KANK1: variants seen among roughly 807,000 people sequenced by gnomAD.
KANK1 encodes KN motif and ankyrin repeat domains 1.
A neutral mutation model predicts 106.2 loss-of-function variants in KANK1; 109 were observed. The observed-to-expected ratio is 1.03, with a 90% CI of 0.88 to 1.20. The LOEUF is 1.20. Among genes scored for constraint, KANK1 ranks in the 50% most tolerant of loss-of-function variants. The pLI, the probability that KANK1 is intolerant of heterozygous loss-of-function variation, is 0.00. For synonymous variants in KANK1, 873 were observed against 652.2 expected, an observed-to-expected ratio of 1.34 and a Z score of -5.16; for missense variants, 2,399 against 1,710.7, an observed-to-expected ratio of 1.40 and a Z score of -7.10.
chr9:471,855 G>C (rs942168691), intron 2 of KANK1, among the ~76,000 whole-genome samples: 4 of 152,138 alleles, frequency 2.6e-5, no homozygotes, highest in African/African-American at 9.7e-5. Flanking sequence ...GCGTTCTCCT[G>C]TACTGCCATG....
chr9:503,735 C>G (rs10119358), upstream of KANK1, among the ~76,000 whole-genome samples: 1 of 152,096 alleles, frequency 6.6e-6, no homozygotes, highest in African/African-American at 2.4e-5. Flanking sequence ...TCCCAAGCTC[C>G]TCTTCTGTTT....
chr9:514,250 T>TCCTC (rs1291679175), intron 1 of KANK1, among the ~76,000 whole-genome samples: 10 of 73,308 alleles, frequency 1.4e-4, no homozygotes, highest in Non-Finnish European at 4.6e-5. Context: ...CTTCCTTCCT[T>TCCTC]CCTCCCTCCG....
chr9:681,127 G>A (rs1004583127), intron 2 of KANK1: 1 of 152,476 alleles, frequency 6.6e-6, no homozygotes, highest in Non-Finnish European at 1.5e-5. Context: ...GCTGAGGTGG[G>A]AGGATTGCTT....
chr9:549,423 G>T (rs2061137584), intron 1 of KANK1: 1 of 152,262 alleles, frequency 6.6e-6, no homozygotes, highest in Non-Finnish European at 1.5e-5. Flanking sequence ...TTGGTTCATG[G>T]CAGGATAGAA....
intron 1 of KANK1, among the ~76,000 whole-genome samples, chr9:607,209 G>A (rs1829423158): frequency 6.6e-6 from 1 of 151,778 alleles, no homozygotes. Flanking sequence ...TGGTTAGCAA[G>A]GGGCAGTGAC....
chr9:652,812 C>T (rs567352753), intron 1 of KANK1, among the ~76,000 whole-genome samples: 1 of 152,136 alleles, frequency 6.6e-6, no homozygotes, highest in African/African-American at 2.4e-5. Flanking sequence ...CTTTCTCTGT[C>T]ATGCATTTCT....
chr9:663,801 G>A (rs1843925954), intron 1 of KANK1, among the ~76,000 whole-genome samples: 1 of 152,156 alleles, frequency 6.6e-6, no homozygotes, highest in African/African-American at 2.4e-5. Flanking sequence ...CTGTTCCTTG[G>A]CAGTGCAGCC....
At chr9:699,568 G>T (rs1822157414) in intron 2 of KANK1, among the ~76,000 whole-genome samples, 1 of 152,116 alleles carries the variant, frequency 6.6e-6, no homozygotes, top group Admixed American at 6.6e-5. Context: ...GTGGGGAGAA[G>T]CCAAAAGGAG....
At chr9:493,889 T>G (rs189234774) in intron 3 of KANK1, among the ~76,000 whole-genome samples, 217 of 150,444 alleles carry the variant, frequency 1.4e-3, no homozygotes, top group African/African-American at 5.1e-3. Context: ...TACATACATT[T>G]TTTTTTCTTT....
chr9:712,498 C>G lies in KANK1; in HGVS notation c.1732C>G (p.His578Asp), dbSNP rs202042142. 1 of 1,614,142 alleles carries G rather than the reference C, an allele frequency of 6.2e-7. No homozygotes were observed. Among genetic ancestry groups the G allele is most frequent in the Non-Finnish European group, 8.5e-7 (1 of 1,180,046 alleles). Residue 578 changes from histidine to aspartate, a missense_variant, in exon 3 of 12, where the codon CAT becomes GAT. Transcript: ENST00000382297. ...WWIVKERVEM[H>D]DRCAGRSVEM... ...GATTGTTAAGGAGAGGGTGGAAATGCATGACCGATGTGCTGGGAGGTCTGT... is the reference window on the plus strand; with the variant it reads ...GATTGTTAAGGAGAGGGTGGAAATGGATGACCGATGTGCTGGGAGGTCTGT...
intron 3 of KANK1, among the ~76,000 whole-genome samples, chr9:726,972 AT>A (rs1444987111): frequency 6.6e-6 from 1 of 152,226 alleles, no homozygotes; most frequent in African/African-American, 2.4e-5. Context: ...CTCAATTAAA[AT>A]AAAAAATTAT....
rs980906985 is a variant in KANK1, at chr9:628,677, G to T, written c.-83-48213G>T. Among the ~76,000 whole-genome samples the T allele has an allele frequency of 4.6e-5, 7 of 152,128 alleles. No individual in the cohort carries two copies. The South Asian group carries it at 1.2e-3, about 27-fold the overall frequency. On this transcript the variant is annotated intron_variant, in intron 1 of 11. Transcript: ENST00000382297. ...GGGAGATTCCTCCCCTCTCTGCCCA[G>T]TTCCCAGGTTGAAACATCCAAGGCT...
At position 713,222 on chromosome 9, in the gene KANK1, T is replaced by G; in HGVS notation, c.2456T>G (p.Met819Arg). The change falls in exon 3 of 12, where the codon ATG (methionine) becomes AGG (arginine). Residue 819 changes from methionine to arginine, a missense_variant. Met to Arg is a moderately conservative substitution (Grantham distance 91). Transcript: ENST00000382297. ...ENPQPQAPLG[M>R]MTGLDHYIER... ...CCCCAGCCTCAAGCTCCACTTGGAA[T>G]GATGACTGGCCTGGATCACTACATT... 1 of 1,596,782 alleles carries G rather than the reference T, an allele frequency of 6.3e-7. No individual in the cohort carries two copies. Among genetic ancestry groups the G allele is most frequent in the Non-Finnish European group, 8.5e-7 (1 of 1,171,452 alleles).
intron 1 of KANK1, among the ~76,000 whole-genome samples, chr9:551,686 C>CA (rs1238230181): frequency 6.6e-6 from 1 of 152,048 alleles, no homozygotes; most frequent in Non-Finnish European, 1.5e-5. Context: ...ACACAGCTTG[C>CA]AGTTTAGTAG....
intron 1 of KANK1, among the ~76,000 whole-genome samples, chr9:675,425 T>C (rs1816203137): frequency 6.6e-6 from 1 of 152,218 alleles, no homozygotes; most frequent in Non-Finnish European, 1.5e-5. Flanking sequence ...ATGGGATTTC[T>C]ATATGTACTG....
At chr9:519,769 C>CTT in intron 1 of KANK1, among the ~76,000 whole-genome samples, 1 of 151,856 alleles carries the variant, frequency 6.6e-6, no homozygotes, top group South Asian at 2.1e-4. Flanking sequence ...GCCTTGTCGT[C>CTT]TTTGAACCTA....
chr9:741,304 C>T lies in KANK1; in HGVS notation c.3696+370C>T, dbSNP rs140507145. The stretch of plus-strand genomic sequence containing the variant: ...CTTCATAGCAAACAGTGTCCCAGGT[C>T]CAGATGTGTTCACAGCTTGACTTTT... On this transcript the variant is annotated intron_variant, in intron 9 of 11. Transcript: ENST00000382297. Among the ~76,000 whole-genome samples the T allele has an allele frequency of 2.7e-3, 410 of 151,550 alleles. 1 individual carries two copies. The highest frequency in any genetic ancestry group is 9.5e-3 in the African/African-American group (395 of 41,456).
intron 1 of KANK1, among the ~76,000 whole-genome samples, chr9:547,010 A>G (rs772880967): frequency 1.6e-4 from 24 of 152,216 alleles, no homozygotes; most frequent in Non-Finnish European, 2.9e-4. Context: ...AAATCAGGTC[A>G]TTATCTCAAC....
intron 1 of KANK1, among the ~76,000 whole-genome samples, chr9:554,198 G>A (rs1214916789): frequency 6.6e-6 from 1 of 152,194 alleles, no homozygotes; most frequent in Non-Finnish European, 1.5e-5. Flanking sequence ...GAACAAGAAG[G>A]CCATTGGTGT....
Sources: gnomAD v4.1 joint callset for allele counts (sites outside exome capture counted in the v4.1 genomes callset) on GRCh38, gnomAD v4.1.1 for gene constraint, MANE v1.5 for transcripts, NCBI Gene and HGNC (gene_info 2026-07-23, HGNC 2026-07-21) for gene names.